The following IRGM variants were observed in gnomAD, a reference collection of about 807,000 sequenced individuals.
The protein encoded by IRGM is immunity related GTPase M, also known as immunity-related GTPase family M protein.
For synonymous variants in IRGM, 98 were observed against 80.6 expected (o/e 1.22, Z -1.16); for missense variants, 288 against 219.9 (o/e 1.31, Z -1.96).
rs191254851 is a variant in IRGM, at chr5:150,881,412, C to T, written c.*140+1766C>T. Among the ~76,000 whole-genome samples, 17 of 152,206 alleles carry T rather than the reference C, an allele frequency of 1.1e-4. No individual in the cohort carries two copies. The East Asian group carries it at 1.5e-3, about 14-fold the overall frequency. ...TTCAGAAACAAAGAAGAGATAATGG[C>T]TTTCCCAGACAAACAAAAGCTGAGG... On this transcript the variant is annotated intron_variant and NMD_transcript_variant, in intron 3 of 3. Coordinates refer to the IRGM transcript ENST00000520549.
downstream of IRGM, chr5:150,900,837 A>C (rs904360143): frequency 5.9e-5 from 9 of 152,136 alleles, no homozygotes; most frequent in African/African-American, 2.2e-4. Context: ...TGAGAGGTAA[A>C]TTCATAGATG....
intron 3 of IRGM, among the ~76,000 whole-genome samples, chr5:150,883,687 C>T (rs1397817191): frequency 1.3e-5 from 2 of 151,782 alleles, no homozygotes; most frequent in African/African-American, 2.4e-5. Flanking sequence ...AAGACTGAAA[C>T]ATGCAGAAAT....
chr5:150,875,001 C>G (rs1754341263), intron 1 of IRGM, among the ~76,000 whole-genome samples: 1 of 152,146 alleles, frequency 6.6e-6, no homozygotes, highest in African/African-American at 2.4e-5. Context: ...CAGCAGCATT[C>G]CATCATCAAA....
intron 1 of IRGM, among the ~76,000 whole-genome samples, chr5:150,866,622 AG>A (rs1400894357): frequency 1.3e-5 from 2 of 152,342 alleles, no homozygotes; most frequent in Middle Eastern, 3.4e-3. Flanking sequence ...ATTCTGCAGG[AG>A]GAAAAAAAGT....
chr5:150,848,469 A>C lies in IRGM; in HGVS notation c.346A>C (p.Ile116Leu), dbSNP rs1473718690. ...AATGCAGTTCAACCGGTATGACTTC[A>C]TCATGGTTGCATCTGCACAATTCAG... ...MEMQFNRYDF[I>L]MVASAQFSMN... Residue 116 changes from isoleucine to leucine, a missense_variant, in exon 2 of 2, where the codon ATC (isoleucine) becomes CTC (leucine). Ile to Leu is a conservative substitution (Grantham distance 5). Coordinates refer to ENST00000522154, the MANE Select transcript of IRGM (RefSeq NM_001145805.2). 3.2e-6 allele frequency: 5 copies of C among 1,551,754 alleles called. No homozygotes were observed. The highest frequency in any genetic ancestry group is 2.7e-5 in the African/African-American group (2 of 73,054).
intron 1 of IRGM, among the ~76,000 whole-genome samples, chr5:150,876,258 T>A (rs1754361339): frequency 6.6e-6 from 1 of 152,142 alleles, no homozygotes; most frequent in South Asian, 2.1e-4. Flanking sequence ...GTTTCTCCCA[T>A]AGCCAGGATT....
Position 150,886,262 on chromosome 5 carries a change from C to T in IRGM, c.*140+6616C>T, listed in dbSNP as rs1396816681. On this transcript the variant is annotated intron_variant and NMD_transcript_variant, in intron 3 of 3. Coordinates refer to the IRGM transcript ENST00000520549. ...ATCCCAGGAATGAAGCCTACTTGATCGTGGTGTATTGCTTTTTGATGTGCT... is the reference window on the plus strand; with the variant it reads ...ATCCCAGGAATGAAGCCTACTTGATTGTGGTGTATTGCTTTTTGATGTGCT... Among the ~76,000 whole-genome samples, 4 of 151,978 alleles carry T rather than the reference C, an allele frequency of 2.6e-5. No individual in the cohort carries two copies. In the South Asian group the frequency reaches 8.3e-4, roughly 32 times the overall value.
intron 1 of IRGM, among the ~76,000 whole-genome samples, chr5:150,877,084 G>A (rs1205695109): frequency 6.6e-6 from 1 of 152,112 alleles, no homozygotes; most frequent in African/African-American, 2.4e-5. Context: ...GTGTAATTAT[G>A]ACCTTATTAT....
Position 150,869,526 on chromosome 5 carries a change from A to G in IRGM, c.159-8454A>G, listed in dbSNP as rs190044286. 2.2e-3 allele frequency among the ~76,000 whole-genome samples: 341 copies of G among 152,216 alleles called. 2 individuals are homozygous for G. Among genetic ancestry groups the G allele is most frequent in the Non-Finnish European group, 4.0e-3 (271 of 67,980 alleles). On this transcript the variant is annotated intron_variant and NMD_transcript_variant, in intron 1 of 3. Transcript: ENST00000520549. ...TTTAGAGAGGATTCTCTCTTTCCCTATCTTTTGGAATAGTTTCAATAGGAC... is the reference window on the plus strand; with the variant it reads ...TTTAGAGAGGATTCTCTCTTTCCCTGTCTTTTGGAATAGTTTCAATAGGAC...
At position 150,865,369 on chromosome 5, in the gene IRGM, CAA is replaced by C. The variant is rs923033763; in HGVS notation, c.159-12609_159-12608del. Among the ~76,000 whole-genome samples the C allele has an allele frequency of 6.0e-4, 60 of 99,976 alleles. 2 individuals are homozygous for C. The highest frequency in any genetic ancestry group is 4.5e-3 in the African/African-American group (59 of 13,224). 65.6% of individuals were successfully genotyped at this position (99,976 alleles called of 152,430 possible). A position where few individuals can be genotyped will look rare whatever the true frequency, so the allele number is the denominator to read the frequency against. On this transcript the variant is annotated intron_variant and NMD_transcript_variant, in intron 1 of 3. Transcript: ENST00000520549. ...ATTTGGAAGATGTTACATATAAACT[CAA>C]ATATATCAAAATTTCATTAAATGTT...
At chr5:150,857,211 T>C (rs1754070856) in intron 1 of IRGM, among the ~76,000 whole-genome samples, 1 of 152,120 alleles carries the variant, frequency 6.6e-6, no homozygotes, top group Non-Finnish European at 1.5e-5. Flanking sequence ...GATAGTTTGC[T>C]GAGAATGATG....
chr5:150,858,187 T>C (rs1460666016), intron 1 of IRGM, among the ~76,000 whole-genome samples: 3 of 152,014 alleles, frequency 2.0e-5, no homozygotes, highest in Non-Finnish European at 4.4e-5. Flanking sequence ...TAGGGAATCC[T>C]TTCCCCATTG....
chr5:150,897,185 TAAAAG>T (rs768532933), intron 3 of IRGM: 167 of 424,974 alleles, frequency 3.9e-4, no homozygotes, highest in Middle Eastern at 1.8e-3. Context: ...AAACTAAACT[TAAAAG>T]AGATGAAAAA....
chr5:150,879,251 G>T (rs1754410321), intron 2 of IRGM, among the ~76,000 whole-genome samples: 1 of 152,176 alleles, frequency 6.6e-6, no homozygotes, highest in South Asian at 2.1e-4. Context: ...GTTTATTTTT[G>T]TTAAACTGGC....
intron 1 of IRGM, among the ~76,000 whole-genome samples, chr5:150,864,062 C>T (rs1754172723): frequency 6.6e-6 from 1 of 152,122 alleles, no homozygotes; most frequent in African/African-American, 2.4e-5. Context: ...TGCACAAATA[C>T]TACTATGCAA....
At chr5:150,867,220 A>T (rs1754220364) in intron 1 of IRGM, among the ~76,000 whole-genome samples, 1 of 152,204 alleles carries the variant, frequency 6.6e-6, no homozygotes, top group Non-Finnish European at 1.5e-5. Context: ...CTTCACTGCC[A>T]CTTATAAGTG....
At chr5:150,855,429 CAATGA>C (rs1754035835) in intron 1 of IRGM, among the ~76,000 whole-genome samples, 1 of 152,028 alleles carries the variant, frequency 6.6e-6, no homozygotes, top group South Asian at 2.1e-4. Flanking sequence ...TTATTAAAAT[CAATGA>C]AATGATTAAT....
intron 1 of IRGM, among the ~76,000 whole-genome samples, chr5:150,857,006 G>A (rs1299363283): frequency 3.3e-5 from 5 of 151,524 alleles, no homozygotes; most frequent in African/African-American, 1.2e-4. Flanking sequence ...ATGTATACAT[G>A]TGCCATGTTG....
intron 3 of IRGM, among the ~76,000 whole-genome samples, chr5:150,887,968 G>A (rs1754551378): frequency 1.3e-5 from 2 of 151,918 alleles, no homozygotes; most frequent in Non-Finnish European, 2.9e-5. Flanking sequence ...GAATGTAAAT[G>A]GGCTAAGTGC....
Sources: allele counts gnomAD v4.1 joint callset (sites outside exome capture counted in the v4.1 genomes callset), GRCh38; gene constraint gnomAD v4.1.1; transcripts MANE v1.5; gene names NCBI Gene and HGNC (gene_info 2026-07-23, HGNC 2026-07-21).